Variants in PTPRD observed in about 807,000 individuals in gnomAD.
PTPRD encodes protein tyrosine phosphatase receptor type D, also known as receptor-type tyrosine-protein phosphatase delta.
PTPRD carries 34 observed loss-of-function variants against 214.5 expected under a neutral mutation model. The ratio of observed to expected loss-of-function variants is 0.16; its 90% CI spans 0.12 to 0.21. PTPRD has a LOEUF of 0.21. Among genes scored for constraint, PTPRD ranks in the 10% least tolerant of loss-of-function variants. The pLI, the probability that PTPRD is intolerant of heterozygous loss-of-function variation, is 1.00. For synonymous variants in PTPRD, 1,128 were observed against 845.7 expected (o/e 1.33, Z -5.79); for missense variants, 2,545 against 2,398.7 (o/e 1.06, Z -1.27).
At position 8,504,140 on chromosome 9, in the gene PTPRD, T is replaced by C. The variant is rs555803003; in HGVS notation, c.1822+121A>G. 1.4e-3 allele frequency: 1,413 copies of C among 996,274 alleles called. 2 individuals carry two copies. The highest frequency in any genetic ancestry group is 1.6e-3 in the Non-Finnish European group (1,062 of 656,146). 61.7% of individuals were successfully genotyped at this position (996,274 alleles called of 1,614,324 possible). A position where few individuals can be genotyped will look rare whatever the true frequency, so the allele number is the denominator to read the frequency against. Reference sequence around the variant, plus strand: ...ACTTTCACCTGTGAAGTGTGATGCATACTAACCTAGAGACTAACTATTAAG... The same window carrying C: ...ACTTTCACCTGTGAAGTGTGATGCACACTAACCTAGAGACTAACTATTAAG... On this transcript the variant is annotated intron_variant, in intron 23 of 45. Transcript: ENST00000381196.
chr9:10,572,493 G>T (rs1435809211), intron 2 of PTPRD, among the ~76,000 whole-genome samples: 1 of 152,074 alleles, frequency 6.6e-6, no homozygotes, highest in Non-Finnish European at 1.5e-5. Flanking sequence ...AGGTAAAGTG[G>T]GACAAAGAAT....
intron 3 of PTPRD, among the ~76,000 whole-genome samples, chr9:10,058,472 A>C (rs962253409): frequency 2.6e-5 from 4 of 152,114 alleles, no homozygotes; most frequent in Non-Finnish European, 5.9e-5. Context: ...CTATGCTCCC[A>C]GGTTACAATC....
chr9:9,091,192 C>T lies in PTPRD; in HGVS notation c.-142-72457G>A. The T allele has an allele frequency of 7.2e-6, 11 of 1,527,006 alleles. No homozygotes were observed. The South Asian group carries it at 1.2e-4, about 17-fold the overall frequency. 94.6% of individuals were successfully genotyped at this position (1,527,006 alleles called of 1,614,324 possible). A position where few individuals can be genotyped will look rare whatever the true frequency, so the allele number is the denominator to read the frequency against. On this transcript the variant is annotated intron_variant, in intron 10 of 45. Transcript: ENST00000381196. Reference sequence around the variant, plus strand: ...AGTCCGCAAGGACCGAACACCCCCACCCCGATTTAGACCTGCGGGTGCTGC... The same window carrying T: ...AGTCCGCAAGGACCGAACACCCCCATCCCGATTTAGACCTGCGGGTGCTGC...
intron 9 of PTPRD, among the ~76,000 whole-genome samples, chr9:9,393,437 G>A (rs7871270): frequency 0.26 from 40,020 of 151,892 alleles, 5,416 homozygotes; most frequent in Middle Eastern, 0.3. Flanking sequence ...CCATTGGAAG[G>A]TGACTCACCA....
At position 8,379,064 on chromosome 9, in the gene PTPRD, A is replaced by C. The variant is rs73414492; in HGVS notation, c.4387-2338T>G. On this transcript the variant is annotated intron_variant, in intron 37 of 45. Coordinates refer to ENST00000381196, the MANE Select transcript of PTPRD (RefSeq NM_002839.4). ...AAAATTTCTAGCTAAAAGAAGAAAA[A>C]AGTTGCTTTTGAACAATGCATTTTT... 1.3e-3 allele frequency among the ~76,000 whole-genome samples: 200 copies of C among 152,280 alleles called. 2 individuals carry two copies. The highest frequency in any genetic ancestry group is 4.7e-3 in the African/African-American group (196 of 41,574).
rs201344561 is a variant in PTPRD at position 8,774,941 on chromosome 9, T to C, written c.-103-40995A>G. ...GGTGCCATATTTTCAATTGAAAATA[T>C]AGTGAATATAAAGGAAAAATTAAAG... is the stretch of plus-strand genomic sequence containing the variant. On this transcript the variant is annotated intron_variant, in intron 11 of 45. Coordinates refer to ENST00000381196, the MANE Select transcript of PTPRD (RefSeq NM_002839.4). Among the ~76,000 whole-genome samples the C allele has an allele frequency of 1.3e-4, 20 of 152,280 alleles. No homozygotes were observed. In the East Asian group the frequency reaches 3.5e-3, roughly 26 times the overall value.
intron 3 of PTPRD, among the ~76,000 whole-genome samples, chr9:10,094,546 T>C (rs933100299): frequency 2.7e-5 from 4 of 149,696 alleles, no homozygotes; most frequent in Admixed American, 6.7e-5. Flanking sequence ...TTTCTTTTTT[T>C]TTTTTTTTTC....
At chr9:9,262,675 A>G (rs575041171) in intron 9 of PTPRD, among the ~76,000 whole-genome samples, 1 of 151,804 alleles carries the variant, frequency 6.6e-6, no homozygotes, top group South Asian at 2.1e-4. Flanking sequence ...TAGAGCTAGG[A>G]TATATACAGA....
chr9:9,467,213 CTTTTTTTTTTTT>C (rs35659936), intron 8 of PTPRD, among the ~76,000 whole-genome samples: 1 of 92,902 alleles, frequency 1.1e-5, no homozygotes, highest in African/African-American at 4.4e-5. Context: ...GTTCATTTAT[CTTTTTTTTTTTT>C]TTTTTTTTTT....
chr9:8,965,623 G>A (rs374817334), intron 11 of PTPRD, among the ~76,000 whole-genome samples: 1 of 152,132 alleles, frequency 6.6e-6, no homozygotes, highest in East Asian at 1.9e-4. Flanking sequence ...TTGGTTTAAA[G>A]TAAGGAAGAT....
At chr9:8,615,270 C>A (rs2095574531) in intron 14 of PTPRD, among the ~76,000 whole-genome samples, 1 of 152,088 alleles carries the variant, frequency 6.6e-6, no homozygotes, top group African/African-American at 2.4e-5. Context: ...AGAGAATATA[C>A]CTCCAAGTCT....
chr9:9,580,370 T>A (rs1459673537), intron 7 of PTPRD, among the ~76,000 whole-genome samples: 1 of 151,862 alleles, frequency 6.6e-6, no homozygotes, highest in Non-Finnish European at 1.5e-5. Context: ...TTGCCAACAC[T>A]TTTTTGTCTT....
rs56333458 is a variant in PTPRD at position 9,482,775 on chromosome 9, T to C, written c.-236-85293A>G. Among the ~76,000 whole-genome samples the C allele has an allele frequency of 5.9e-3, 898 of 152,294 alleles. 3 individuals carry two copies. The highest frequency in any genetic ancestry group is 0.019 in the African/African-American group (806 of 41,578). On this transcript the variant is annotated intron_variant, in intron 8 of 45. Transcript: ENST00000381196. ...GATAATTGAGGCTATGAAGAGACAA[T>C]TAAGGCTCCTCCTTAGGGCAGCATT...
chr9:10,327,034 T>G (rs2096655565), intron 3 of PTPRD, among the ~76,000 whole-genome samples: 2 of 151,366 alleles, frequency 1.3e-5, no homozygotes, highest in African/African-American at 4.8e-5. Flanking sequence ...TTTAATTTGT[T>G]TGATAAATTA....
intron 5 of PTPRD, among the ~76,000 whole-genome samples, chr9:9,878,489 T>A (rs2067582348): frequency 6.6e-6 from 1 of 152,128 alleles, no homozygotes; most frequent in South Asian, 2.1e-4. Flanking sequence ...GAATAGGCAT[T>A]ATCCAGGAGG....
At chr9:10,079,677 C>G (rs910691561) in intron 3 of PTPRD, among the ~76,000 whole-genome samples, 1 of 152,042 alleles carries the variant, frequency 6.6e-6, no homozygotes, top group Non-Finnish European at 1.5e-5. Flanking sequence ...TCTGTTAAAC[C>G]CCAAGATCTT....
chr9:9,746,126 G>A (rs769297378), intron 6 of PTPRD, among the ~76,000 whole-genome samples: 38 of 151,986 alleles, frequency 2.5e-4, no homozygotes, highest in Admixed American at 4.6e-4. Flanking sequence ...CCAAGAGAAT[G>A]AAATTATGAA....
chr9:8,654,403 C>T (rs73425451), intron 12 of PTPRD, among the ~76,000 whole-genome samples: 11 of 152,282 alleles, frequency 7.2e-5, no homozygotes, highest in African/African-American at 2.4e-4. Context: ...TTACAACGCT[C>T]ACCAAGGATC....
intron 5 of PTPRD, among the ~76,000 whole-genome samples, chr9:9,861,557 T>C (rs2153691696): frequency 6.6e-6 from 1 of 152,318 alleles, no homozygotes; most frequent in South Asian, 2.1e-4. Context: ...CTCAAAGTGC[T>C]GGATTACTGG....
Sources: allele counts gnomAD v4.1 joint callset (sites outside exome capture counted in the v4.1 genomes callset), GRCh38; gene constraint gnomAD v4.1.1; transcripts MANE v1.5; gene names NCBI Gene and HGNC (gene_info 2026-07-23, HGNC 2026-07-21).